The following RTN4RL1 variants were observed in gnomAD, a reference collection of about 807,000 sequenced individuals.
The protein encoded by RTN4RL1 is reticulon-4 receptor-like 1.
A neutral mutation model predicts 25.6 loss-of-function variants in RTN4RL1; 7 were observed. The observed-to-expected ratio is 0.27, with a 90% confidence interval of 0.16 to 0.51. RTN4RL1 has a LOEUF of 0.51. RTN4RL1 is among the 20% of genes least tolerant of loss of function. The pLI is 0.97. For synonymous variants in RTN4RL1, 297 were observed against 288.2 expected (o/e 1.03, Z -0.31); for missense variants, 500 against 615.6 (o/e 0.81, Z 1.99).
chr17:2,016,217 C>A (rs571125828), intron 1 of RTN4RL1, among the ~76,000 whole-genome samples: 6 of 152,058 alleles, frequency 3.9e-5, no homozygotes, highest in Non-Finnish European at 8.8e-5. Context: ...CCCGTTTCTA[C>A]TAAAAATACA....
intron 1 of RTN4RL1, among the ~76,000 whole-genome samples, chr17:1,965,056 G>T (rs1227910852): frequency 2.7e-5 from 4 of 150,522 alleles, no homozygotes; most frequent in African/African-American, 9.7e-5. Context: ...CAAAGTGGTG[G>T]GATTACAGGC....
intron 1 of RTN4RL1, among the ~76,000 whole-genome samples, chr17:2,014,554 G>A (rs2067094254): frequency 6.6e-6 from 1 of 152,186 alleles, no homozygotes; most frequent in South Asian, 2.1e-4. Context: ...GATTCAGGCT[G>A]GGCACGGTGG....
chr17:2,023,158 C>T (rs978744266), intron 1 of RTN4RL1, among the ~76,000 whole-genome samples: 2 of 152,234 alleles, frequency 1.3e-5, no homozygotes, highest in Non-Finnish European at 2.9e-5. Flanking sequence ...GCAGCCCAGA[C>T]ATGGCGGCCT....
intron 1 of RTN4RL1, among the ~76,000 whole-genome samples, chr17:1,960,773 TTC>T (rs1179966363): frequency 6.6e-6 from 1 of 152,098 alleles, no homozygotes; most frequent in Non-Finnish European, 1.5e-5. Flanking sequence ...GATTGGCCTC[TTC>T]TGGATATTTC....
In RTN4RL1 at chr17:1,936,209, T is replaced by A; in HGVS notation, c.*287A>T. On this transcript the variant is annotated 3_prime_UTR_variant, in exon 2 of 2. Coordinates refer to ENST00000331238, the MANE Select transcript of RTN4RL1 (RefSeq NM_178568.4). ...TTGTCCCACTGTTGCCAGTGGAGGA[T>A]GCACTTGGAGTGCCTTTTCCCACCT... The A allele has an allele frequency of 8.0e-7, 1 of 1,244,740 alleles. No homozygotes were observed. The highest frequency in any genetic ancestry group is 1.0e-6 in the Non-Finnish European group (1 of 993,066). The allele number at this position is 1,244,740 out of a possible 1,614,324, so 77.1% of individuals were successfully genotyped here. A position where few individuals can be genotyped will look rare whatever the true frequency, so the allele number is the denominator to read the frequency against.
chr17:1,972,263 C>T (rs2066823672), intron 1 of RTN4RL1, among the ~76,000 whole-genome samples: 1 of 151,668 alleles, frequency 6.6e-6, no homozygotes, highest in South Asian at 2.1e-4. Context: ...GCAGAGATCG[C>T]GCCACTGCAC....
chr17:1,947,366 G>A (rs1365646014), intron 1 of RTN4RL1, among the ~76,000 whole-genome samples: 1 of 152,198 alleles, frequency 6.6e-6, no homozygotes, highest in Non-Finnish European at 1.5e-5. Flanking sequence ...ATAGGGTGGC[G>A]GCCCGGCCCC....
intron 1 of RTN4RL1, among the ~76,000 whole-genome samples, chr17:2,024,478 G>A (rs1464246225): frequency 6.6e-6 from 1 of 151,902 alleles, no homozygotes; most frequent in South Asian, 2.1e-4. Flanking sequence ...TCCACAAAGC[G>A]GCAGAAGCAA....
intron 1 of RTN4RL1, among the ~76,000 whole-genome samples, chr17:1,958,929 A>G (rs1317282163): frequency 6.6e-6 from 1 of 152,276 alleles, no homozygotes; most frequent in Non-Finnish European, 1.5e-5. Context: ...CTGACTTACC[A>G]CCTGCTCAAA....
At chr17:1,978,991 A>G (rs1451613547) in intron 1 of RTN4RL1, among the ~76,000 whole-genome samples, 1 of 152,202 alleles carries the variant, frequency 6.6e-6, no homozygotes, top group Admixed American at 6.5e-5. Flanking sequence ...CATCAATCCT[A>G]AAGAAACACT....
rs1178289855 is a variant in RTN4RL1 at position 1,936,481 on chromosome 17, T to C, written c.*15A>G. 3 of 1,532,644 alleles carry C rather than the reference T, an allele frequency of 2.0e-6. No homozygotes were observed. Among genetic ancestry groups the C allele is most frequent in the South Asian group, 2.4e-5 (2 of 82,914 alleles). 94.9% of individuals were successfully genotyped at this position (1,532,644 alleles called of 1,614,324 possible). A position where few individuals can be genotyped will look rare whatever the true frequency, so the allele number is the denominator to read the frequency against. ...GTGGACATGTGGCAGTGCTGGGTGC[T>C]GACGCCCTGGGTCCTCAGCGGAGAG... is the stretch of plus-strand genomic sequence containing the variant. On this transcript the variant is annotated 3_prime_UTR_variant, in exon 2 of 2. Coordinates refer to ENST00000331238, the MANE Select transcript of RTN4RL1 (RefSeq NM_178568.4).
At chr17:1,982,079 C>T (rs559571759) in intron 1 of RTN4RL1, among the ~76,000 whole-genome samples, 2 of 152,046 alleles carry the variant, frequency 1.3e-5, no homozygotes, top group Non-Finnish European at 2.9e-5. Context: ...GCGGGTGGAT[C>T]ACCTGAGGTC....
chr17:1,935,107 T>C lies in RTN4RL1; in HGVS notation c.*1389A>G, dbSNP rs1915268402. ...ACACCAAACAGCCTCAAGGAAAAAT[T>C]CAGCAGCTGAGCCGTGCGGGAGGCC... On this transcript the variant is annotated 3_prime_UTR_variant, in exon 2 of 2. Transcript: ENST00000331238. The C allele has an allele frequency of 6.6e-6, 1 of 152,602 alleles. No homozygotes were observed. The allele number at this position is 152,602 out of a possible 1,614,324, so 9.5% of individuals were successfully genotyped here. A position where few individuals can be genotyped will look rare whatever the true frequency, so the allele number is the denominator to read the frequency against.
chr17:1,976,002 C>A (rs980059776), intron 1 of RTN4RL1, among the ~76,000 whole-genome samples: 2 of 152,212 alleles, frequency 1.3e-5, no homozygotes, highest in Non-Finnish European at 2.9e-5. Flanking sequence ...AGGCAATTTT[C>A]TTGAACTCTA....
At chr17:2,015,881 A>C (rs2067115480) in intron 1 of RTN4RL1, among the ~76,000 whole-genome samples, 1 of 152,170 alleles carries the variant, frequency 6.6e-6, no homozygotes, top group Non-Finnish European at 1.5e-5. Flanking sequence ...CTCCTTGTTA[A>C]CAGGCAACGC....
intron 1 of RTN4RL1, among the ~76,000 whole-genome samples, chr17:1,959,188 T>C (rs1477465764): frequency 2.0e-5 from 3 of 152,272 alleles, no homozygotes; most frequent in Non-Finnish European, 2.9e-5. Context: ...GGGCAGTCTA[T>C]GGCACACAGT....
chr17:1,970,008 GCT>G (rs59886441), intron 1 of RTN4RL1, among the ~76,000 whole-genome samples: 4 of 123,666 alleles, frequency 3.2e-5, no homozygotes, highest in African/African-American at 2.8e-5. Context: ...CAGGATTTCT[GCT>G]CTCTCTCTCT....
intron 1 of RTN4RL1, among the ~76,000 whole-genome samples, chr17:1,974,854 T>C (rs1286786706): frequency 6.6e-6 from 1 of 152,230 alleles, no homozygotes; most frequent in Non-Finnish European, 1.5e-5. Context: ...GTCATCAGCA[T>C]AGGCCAGCTT....
At chr17:2,023,567 G>C (rs1011284679) in intron 1 of RTN4RL1, 3 of 152,354 alleles carry the variant, frequency 2.0e-5, no homozygotes, top group African/African-American at 2.4e-5. Flanking sequence ...CCCCACCAAA[G>C]GCGTGGTTCC....
Sources: allele counts gnomAD v4.1 joint callset (sites outside exome capture counted in the v4.1 genomes callset), GRCh38; gene constraint gnomAD v4.1.1; transcripts MANE v1.5; gene names NCBI Gene and HGNC (gene_info 2026-07-23, HGNC 2026-07-21).